HCRTR2: variants seen among roughly 807,000 people sequenced by gnomAD.
The protein encoded by HCRTR2 is hypocretin receptor 2.
A neutral mutation model predicts 49.0 loss-of-function variants in HCRTR2; 22 were observed. That is an observed-to-expected ratio of 0.45 (90% CI 0.32 to 0.64). HCRTR2 has a LOEUF of 0.64. Ranked by LOEUF, HCRTR2 falls within the 30% of genes least tolerant of loss-of-function variation. The probability of loss-of-function intolerance (pLI) is 0.04; values close to 1 mark genes in which losing one functional copy is unlikely to be tolerated. For synonymous variants in HCRTR2, 236 were observed against 205.3 expected (o/e 1.15, Z -1.28); for missense variants, 491 against 559.4 (o/e 0.88, Z 1.23).
intron 1 of HCRTR2, among the ~76,000 whole-genome samples, chr6:55,142,363 A>ATT (rs60317937): frequency 7.8e-6 from 1 of 127,678 alleles, no homozygotes; most frequent in Non-Finnish European, 1.7e-5. Flanking sequence ...CGCCCTGTTA[A>ATT]TTTTTTTTTT....
chr6:55,148,329 A>T (rs554417477), intron 1 of HCRTR2, among the ~76,000 whole-genome samples: 18 of 152,186 alleles, frequency 1.2e-4, no homozygotes, highest in Admixed American at 1.2e-3. Context: ...GACCAAAAGA[A>T]TTCTAGAGGG....
chr6:55,280,459 G>C lies in HCRTR2; in HGVS notation c.1105+15G>C, dbSNP rs777251944. ...TTTTCTCAGTGGTGAGTTTTCAACT[G>C]TTCTTCCATAAGCCACAATTGTAAC... On this transcript the variant is annotated intron_variant, in intron 6 of 6. Coordinates refer to ENST00000370862, the MANE Select transcript of HCRTR2 (RefSeq NM_001384272.1). The C allele has an allele frequency of 1.9e-6, 3 of 1,611,088 alleles. No individual in the cohort carries two copies. The highest frequency in any genetic ancestry group is 2.7e-5 in the African/African-American group (2 of 74,806).
chr6:55,252,705 A>G (rs1766575235), intron 2 of HCRTR2, among the ~76,000 whole-genome samples: 1 of 152,116 alleles, frequency 6.6e-6, no homozygotes, highest in African/African-American at 2.4e-5. Flanking sequence ...CATAGAGTCC[A>G]GCCCCTTAAA....
At chr6:55,167,820 TG>T in intron 1 of HCRTR2, among the ~76,000 whole-genome samples, 1 of 152,338 alleles carries the variant, frequency 6.6e-6, no homozygotes, top group East Asian at 1.9e-4. Flanking sequence ...TTATTATTTT[TG>T]CATTTTAACC....
intron 1 of HCRTR2, among the ~76,000 whole-genome samples, chr6:55,198,650 G>A (rs1429459124): frequency 6.6e-6 from 1 of 152,136 alleles, no homozygotes; most frequent in Admixed American, 6.6e-5. Flanking sequence ...TGGAATCAGG[G>A]TCTTTGAATT....
chr6:55,184,626 AG>A, intron 1 of HCRTR2, among the ~76,000 whole-genome samples: 1 of 152,324 alleles, frequency 6.6e-6, no homozygotes, highest in Non-Finnish European at 1.5e-5. Flanking sequence ...GTGAGCCCTT[AG>A]GGAATTTCCG....
chr6:55,133,273 C>A (rs1383363219), intron 1 of HCRTR2, among the ~76,000 whole-genome samples: 1 of 151,690 alleles, frequency 6.6e-6, no homozygotes, highest in African/African-American at 2.4e-5. Context: ...TCCTTTCTCT[C>A]ATACATTTTT....
chr6:55,215,567 T>C (rs1765772865), intron 1 of HCRTR2, among the ~76,000 whole-genome samples: 3 of 152,270 alleles, frequency 2.0e-5, no homozygotes, highest in African/African-American at 7.2e-5. Flanking sequence ...TTACTCTTCA[T>C]CCTGGTATAG....
intron 1 of HCRTR2, among the ~76,000 whole-genome samples, chr6:55,113,098 C>T (rs1394717657): frequency 1.3e-5 from 2 of 152,056 alleles, no homozygotes; most frequent in African/African-American, 4.8e-5. Context: ...CATACTGGAT[C>T]CTCATTTCTC....
intron 3 of HCRTR2, among the ~76,000 whole-genome samples, chr6:55,257,481 G>C (rs1766675030): frequency 6.6e-6 from 1 of 151,890 alleles, no homozygotes; most frequent in East Asian, 1.9e-4. Context: ...CCGGCAATTA[G>C]TTTCACTTAT....
intron 1 of HCRTR2, among the ~76,000 whole-genome samples, chr6:55,117,147 A>G (rs1764129883): frequency 1.3e-5 from 2 of 151,872 alleles, no homozygotes; most frequent in African/African-American, 2.4e-5. Context: ...TATGATCCAT[A>G]TTGTAAAAAT....
At chr6:55,267,124 G>C (rs1240622343) in intron 4 of HCRTR2, among the ~76,000 whole-genome samples, 1 of 152,084 alleles carries the variant, frequency 6.6e-6, no homozygotes, top group African/African-American at 2.4e-5. Context: ...AATTCTGCTT[G>C]AGCAACTCTC....
At chr6:55,267,597 T>C (rs1407695364) in intron 4 of HCRTR2, among the ~76,000 whole-genome samples, 2 of 152,134 alleles carry the variant, frequency 1.3e-5, no homozygotes, top group African/African-American at 4.8e-5. Flanking sequence ...TTAATTTATT[T>C]CACATTTATT....
intron 1 of HCRTR2, among the ~76,000 whole-genome samples, chr6:55,140,588 A>T (rs770987406): frequency 2.2e-4 from 33 of 152,278 alleles, no homozygotes; most frequent in Non-Finnish European, 4.1e-4. Flanking sequence ...TATAATCACA[A>T]CTGGCATTTA....
rs1765598993 is a variant in HCRTR2 at position 55,206,231 on chromosome 6, TTA to T, written c.223+31424_223+31425del. ...AGCTTTTTAATAAGTGTGAGTGGAG[TTA>T]TACAAACTACTCATTAAAATCTTTA... is the stretch of plus-strand genomic sequence containing the variant. On this transcript the variant is annotated intron_variant, in intron 1 of 6. Transcript: ENST00000370862. Among the ~76,000 whole-genome samples the T allele has an allele frequency of 2.0e-5, 3 of 152,026 alleles. No individual in the cohort carries two copies. The South Asian group carries it at 6.2e-4, about 31-fold the overall frequency.
chr6:55,235,421 A>C (rs1766195648), intron 1 of HCRTR2, among the ~76,000 whole-genome samples: 1 of 152,158 alleles, frequency 6.6e-6, no homozygotes, highest in African/African-American at 2.4e-5. Flanking sequence ...TGTTTTCTTC[A>C]AATAAATGTG....
intron 1 of HCRTR2, among the ~76,000 whole-genome samples, chr6:55,122,834 G>A (rs1764220049): frequency 6.6e-6 from 1 of 151,934 alleles, no homozygotes; most frequent in Non-Finnish European, 1.5e-5. Context: ...GGATGAAGCT[G>A]GAAACCGTCA....
intron 1 of HCRTR2, among the ~76,000 whole-genome samples, chr6:55,202,286 A>G (rs1765525065): frequency 6.6e-6 from 1 of 152,292 alleles, no homozygotes; most frequent in South Asian, 2.1e-4. Context: ...TACTCTTGCT[A>G]AATACTCTCA....
chr6:55,191,322 A>G (rs1765311360), intron 1 of HCRTR2, among the ~76,000 whole-genome samples: 1 of 152,182 alleles, frequency 6.6e-6, no homozygotes, highest in African/African-American at 2.4e-5. Context: ...TAATAGAATC[A>G]GTAGTGCAAA....
Sources: allele counts gnomAD v4.1 joint callset (sites outside exome capture counted in the v4.1 genomes callset), GRCh38; gene constraint gnomAD v4.1.1; transcripts MANE v1.5; gene names NCBI Gene and HGNC (gene_info 2026-07-23, HGNC 2026-07-21).